Variants in RAB3GAP1 observed in about 807,000 individuals in gnomAD.
The protein encoded by RAB3GAP1 is rab3 GTPase-activating protein catalytic subunit.
In RAB3GAP1, 86 loss-of-function variants were observed where a neutral mutation model predicts 130.7. That is an observed-to-expected ratio of 0.66 (90% confidence interval 0.55 to 0.79). RAB3GAP1 has a LOEUF of 0.79. Among genes scored for constraint, RAB3GAP1 ranks in the 30% least tolerant of loss-of-function variants. RAB3GAP1 has a pLI of 0.00. For missense variants in RAB3GAP1, 1,029 were observed against 1,169.4 expected, an observed-to-expected ratio of 0.88 and a Z score of 1.75; for synonymous variants, 367 against 401.7, an observed-to-expected ratio of 0.91 and a Z score of 1.03.
At chr2:135,078,692 G>GCCCTC (rs1689700480) in intron 3 of RAB3GAP1, among the ~76,000 whole-genome samples, 1 of 26,456 alleles carries the variant, frequency 3.8e-5, no homozygotes, top group African/African-American at 1.7e-4. Flanking sequence ...CCCCTCCCCT[G>GCCCTC]CCCTCCCCTC....
At position 135,168,746 on chromosome 2, in the gene RAB3GAP1, G is replaced by A; in HGVS notation, c.2911G>A (p.Ala971Thr). 1 of 1,614,158 alleles carries A rather than the reference G, an allele frequency of 6.2e-7. No homozygotes were observed. The highest frequency in any genetic ancestry group is 8.5e-7 in the Non-Finnish European group (1 of 1,179,996). Reference protein sequence around the residue: ...SVLTKEDFRLAGAFSSDTSFF With the variant: ...SVLTKEDFRLTGAFSSDTSFF Reference sequence around the variant, plus strand: ...TCTCACCAAAGAGGACTTTAGACTTGCAGGTGCCTTTTCATCAGATACTTC... The same window carrying A: ...TCTCACCAAAGAGGACTTTAGACTTACAGGTGCCTTTTCATCAGATACTTC... Residue 971 changes from alanine to threonine, a missense_variant, in exon 24 of 24, where the codon GCA becomes ACA. By Grantham distance (58) the Ala-to-Thr change is moderately conservative. Transcript: ENST00000264158.
At chr2:135,174,412 G>A (rs781402692), downstream of RAB3GAP1, among the ~76,000 whole-genome samples, 6 of 152,208 alleles carry the variant, frequency 3.9e-5, no homozygotes, top group African/African-American at 7.2e-5. Context: ...GGCAGTCTCC[G>A]TCCCTCACTC....
In RAB3GAP1 at chr2:135,153,637, G is replaced by A. The variant is rs758478095; in HGVS notation, c.2062-12G>A. On this transcript the variant is annotated splice_polypyrimidine_tract_variant and intron_variant, in intron 18 of 23. Transcript: ENST00000264158. Reference sequence around the variant, plus strand: ...TCATTTGATTCTGCTGAATTTTTTTGTCTTATTTTAGGCAGCTAATCCAGG... The same window carrying A: ...TCATTTGATTCTGCTGAATTTTTTTATCTTATTTTAGGCAGCTAATCCAGG... 3.7e-6 allele frequency: 6 copies of A among 1,612,240 alleles called. No homozygotes were observed. The highest frequency in any genetic ancestry group is 1.7e-4 in the Middle Eastern group (1 of 6,056).
intron 3 of RAB3GAP1, among the ~76,000 whole-genome samples, chr2:135,071,657 C>T (rs551156576): frequency 1.3e-5 from 2 of 152,264 alleles, no homozygotes; most frequent in African/African-American, 4.8e-5. Context: ...GGCCTAAATG[C>T]AGGATGAGGT....
intron 3 of RAB3GAP1, among the ~76,000 whole-genome samples, chr2:135,076,571 G>A (rs780531947): frequency 1.1e-4 from 17 of 152,122 alleles, no homozygotes; most frequent in Non-Finnish European, 1.5e-4. Context: ...TTTTATGAAT[G>A]TTGACTCTGG....
chr2:135,156,152 A>G (rs1233785457), intron 19 of RAB3GAP1, among the ~76,000 whole-genome samples: 73 of 152,136 alleles, frequency 4.8e-4, no homozygotes, highest in Admixed American at 4.8e-3. Context: ...CCCCAGTAAA[A>G]ACAGAAAGTA....
At chr2:135,054,438 G>A (rs1688955904) in intron 2 of RAB3GAP1, among the ~76,000 whole-genome samples, 1 of 152,152 alleles carries the variant, frequency 6.6e-6, no homozygotes, top group African/African-American at 2.4e-5. Flanking sequence ...TTTGTGGACT[G>A]GAATACAAAG....
At chr2:135,140,730 G>A (rs929479515) in intron 17 of RAB3GAP1, among the ~76,000 whole-genome samples, 2 of 152,212 alleles carry the variant, frequency 1.3e-5, no homozygotes, top group Non-Finnish European at 2.9e-5. Context: ...TAGGCATAGG[G>A]TTAACCATAC....
At chr2:135,130,468 TTC>T (rs1691500062) in intron 12 of RAB3GAP1, 82 bp from the exon 13 acceptor site, 1 of 1,148,510 alleles carries the variant, frequency 8.7e-7, no homozygotes, top group Admixed American at 2.0e-5. Flanking sequence ...GAGTAAAATA[TTC>T]TATATAATCA....
intron 17 of RAB3GAP1, 45 bp downstream of exon 17, chr2:135,135,977 A>G: frequency 6.3e-7 from 1 of 1,596,660 alleles, no homozygotes; most frequent in Non-Finnish European, 8.6e-7. Flanking sequence ...TTTGTGGTTT[A>G]TATAACTTCA....
chr2:135,100,034 T>C (rs1466604518), intron 5 of RAB3GAP1, among the ~76,000 whole-genome samples: 1 of 152,146 alleles, frequency 6.6e-6, no homozygotes, highest in Non-Finnish European at 1.5e-5. Context: ...GCCTAGTTTC[T>C]GGGTGTAGAC....
At chr2:135,123,375 G>T (rs1341431718) in intron 8 of RAB3GAP1, among the ~76,000 whole-genome samples, 2 of 152,114 alleles carry the variant, frequency 1.3e-5, no homozygotes, top group Non-Finnish European at 2.9e-5. Context: ...ACTGAATCAA[G>T]TAATTGATTC....
At chr2:135,052,535 C>G in intron 2 of RAB3GAP1, 50 bp downstream of exon 2, 3 of 1,604,596 alleles carry the variant, frequency 1.9e-6, no homozygotes, top group Non-Finnish European at 2.6e-6. Flanking sequence ...CCTGGCGTCC[C>G]CTAGCCGCTT....
At chr2:135,155,713 A>C (rs2104986455) in intron 19 of RAB3GAP1, among the ~76,000 whole-genome samples, 1 of 152,322 alleles carries the variant, frequency 6.6e-6, no homozygotes, top group East Asian at 1.9e-4. Context: ...GGCTATACTT[A>C]AGAAATTGAT....
chr2:135,110,709 T>G (rs1030731186), intron 5 of RAB3GAP1, among the ~76,000 whole-genome samples: 1 of 152,182 alleles, frequency 6.6e-6, no homozygotes, highest in African/African-American at 2.4e-5. Context: ...TATAGAGATA[T>G]AGATGTAGAA....
At chr2:135,147,920 G>T (rs1345386228) in intron 17 of RAB3GAP1, among the ~76,000 whole-genome samples, 1 of 152,006 alleles carries the variant, frequency 6.6e-6, no homozygotes, top group African/African-American at 2.4e-5. Context: ...GGAAGCTCAG[G>T]CTTCTTCTTT....
intron 2 of RAB3GAP1, among the ~76,000 whole-genome samples, chr2:135,055,658 A>G (rs1688987414): frequency 6.6e-6 from 1 of 150,548 alleles, no homozygotes; most frequent in South Asian, 2.1e-4. Context: ...AGCCTGGGTG[A>G]CAGAGTTGAG....
chr2:135,119,566 A>G (rs189071402), intron 7 of RAB3GAP1, among the ~76,000 whole-genome samples: 40 of 151,976 alleles, frequency 2.6e-4, no homozygotes, highest in East Asian at 1.9e-4. Context: ...AAAAGTTGAT[A>G]TACTGACCAG....
In RAB3GAP1 at chr2:135,113,273, G is replaced by A. The variant is rs2104913303; in HGVS notation, c.482+3G>A. 6.2e-7 allele frequency: 1 copy of A among 1,614,108 alleles called. No individual in the cohort carries two copies. The highest frequency in any genetic ancestry group is 8.5e-7 in the Non-Finnish European group (1 of 1,179,984). On this transcript the variant is annotated splice_donor_region_variant and intron_variant, in intron 6 of 23. Transcript: ENST00000264158. ...ATTGCCTTGGGAAACACTGGCTGGT[G>A]AGTGGACATTTTTTAAAACCTAGAC...
Sources: gnomAD v4.1 joint callset for allele counts (sites outside exome capture counted in the v4.1 genomes callset) on GRCh38, gnomAD v4.1.1 for gene constraint, MANE v1.5 for transcripts, NCBI Gene and HGNC (gene_info 2026-07-23, HGNC 2026-07-21) for gene names.